Variants in MTERF4 observed in about 807,000 individuals in gnomAD.
MTERF4 encodes the protein transcription termination factor 4, mitochondrial.
A neutral mutation model predicts 22.5 loss-of-function variants in MTERF4; 17 were observed. The observed-to-expected ratio is 0.75, with a 90% CI of 0.52 to 1.13. MTERF4 has a LOEUF of 1.13. MTERF4 is among the 50% of genes most tolerant of loss of function. The probability of loss-of-function intolerance (pLI) is 0.00; values close to 1 mark genes in which losing one functional copy is unlikely to be tolerated. For missense variants in MTERF4, 420 were observed against 466.8 expected (o/e 0.90, Z 0.92); for synonymous variants, 165 against 175.3 (o/e 0.94, Z 0.47).
chr2:241,090,196 T>A (rs937994854), downstream of MTERF4: 11 of 1,469,194 alleles, frequency 7.5e-6, no homozygotes, highest in Non-Finnish European at 9.0e-6. Context: ...CTTTTCTCTG[T>A]TTTTAAAATT....
Position 241,099,498 on chromosome 2 carries a change from G to A in MTERF4, c.418C>T (p.Pro140Ser), listed in dbSNP as rs1217710236. Residue 140 changes from proline (P) to serine (S), a missense_variant, in exon 2 of 4, where the codon CCT becomes TCT. Physicochemically the swap from Pro to Ser is moderately conservative, Grantham distance 74. Transcript: ENST00000391980. ...EFILLGLNPE[P>S]VCVVLKKSPQ... ...CTTTTCTTCAAGACCACACACACAGGCTCTGGATTCAGACCCAAGAGAATA... is the reference window on the plus strand; with the variant it reads ...CTTTTCTTCAAGACCACACACACAGACTCTGGATTCAGACCCAAGAGAATA... The A allele has an allele frequency of 6.2e-7, 1 of 1,614,184 alleles. No individual in the cohort carries two copies. The highest frequency in any genetic ancestry group is 8.5e-7 in the Non-Finnish European group (1 of 1,180,046).
chr2:241,090,561 C>A (rs891135929), downstream of MTERF4: 3 of 1,259,894 alleles, frequency 2.4e-6, no homozygotes, highest in African/African-American at 3.0e-5. Flanking sequence ...ATACACAGGG[C>A]AGTGCAGTAG....
Position 241,073,360 on chromosome 2 carries a change from C to G in MTERF4, n.2802G>C, listed in dbSNP as rs200193178. 2 of 1,567,096 alleles carry G rather than the reference C, an allele frequency of 1.3e-6. No individual in the cohort carries two copies. ...TCCCTGAACACGGCAGCAAGGACAT[C>G]GGAAGTGAGTCAGCAGCGCTGGTGG... On this transcript the variant is annotated non_coding_transcript_exon_variant, in exon 5 of 5. Coordinates refer to the MTERF4 transcript ENST00000464344. The surrounding 1 kb of genome is among the most constrained non-coding windows in gnomAD (Gnocchi z 6.6).
chr2:241,049,229 A>G, the MTERF4 span: 1 of 921,042 alleles, frequency 1.1e-6, no homozygotes, highest in Non-Finnish European at 1.7e-6. Flanking sequence ...CAGAGTCCCT[A>G]CTTCCCTTCT....
downstream of MTERF4, among the ~76,000 whole-genome samples, chr2:241,084,392 G>A (rs1357701912): frequency 6.6e-6 from 1 of 152,046 alleles, no homozygotes; most frequent in African/African-American, 2.4e-5. Context: ...GACCTCAGGT[G>A]ATCCACCCAC....
intron 4 of MTERF4, among the ~76,000 whole-genome samples, chr2:241,078,962 A>AAAT (rs2063185220): frequency 6.6e-6 from 1 of 151,490 alleles, no homozygotes; most frequent in Non-Finnish European, 1.5e-5. Context: ...AAAAATACAA[A>AAAT]AATTAGCCAG....
chr2:241,052,306 G>C, the MTERF4 span: 1 of 1,513,852 alleles, frequency 6.6e-7, no homozygotes, highest in Non-Finnish European at 9.0e-7. Flanking sequence ...ACACAGTCCC[G>C]AGCCTTCAGG....
At chr2:241,089,233 G>A (rs956304014), downstream of MTERF4, 3 of 1,434,700 alleles carry the variant, frequency 2.1e-6, no homozygotes, top group African/African-American at 4.3e-5. Flanking sequence ...TGAATCTCTG[G>A]TTGGCCTAGG....
At chr2:241,064,719 G>A in the MTERF4 span, 3 of 652,498 alleles carry the variant, frequency 4.6e-6, no homozygotes, top group Non-Finnish European at 7.7e-6. The surrounding 1 kb of genome is among the most constrained non-coding windows in gnomAD (Gnocchi z 7.0). Context: ...GGCAGTAGCT[G>A]TCCTGTGCCC....
downstream of MTERF4, among the ~76,000 whole-genome samples, chr2:241,091,460 C>T (rs772944308): frequency 2.6e-5 from 4 of 151,990 alleles, no homozygotes; most frequent in Non-Finnish European, 4.4e-5. This position sits in a 1 kb window ranked among gnomAD's most constrained non-coding sequence, Gnocchi z 4.1. Flanking sequence ...GCTCTAAGAA[C>T]GCGGGGTCCT....
chr2:241,064,722 C>T, the MTERF4 span: 2 of 664,708 alleles, frequency 3.0e-6, no homozygotes, highest in East Asian at 6.2e-5. The surrounding 1 kb of genome is among the most constrained non-coding windows in gnomAD (Gnocchi z 7.0). Flanking sequence ...AGTAGCTGTC[C>T]TGTGCCCCCC....
chr2:241,070,749 C>T (rs1360313560), downstream of MTERF4, among the ~76,000 whole-genome samples: 1 of 152,204 alleles, frequency 6.6e-6, no homozygotes, highest in African/African-American at 2.4e-5. Context: ...ACCAGGGTCC[C>T]GAACGCCCCA....
At chr2:241,093,396 A>G (rs745802148), downstream of MTERF4, 4 of 152,678 alleles carry the variant, frequency 2.6e-5, no homozygotes, top group African/African-American at 4.8e-5. Flanking sequence ...TCTACTCCCT[A>G]CTAGGACCTC....
At position 241,097,329 on chromosome 2, in the gene MTERF4, A is replaced by T; in HGVS notation, c.619T>A (p.Phe207Ile). 1 of 1,614,228 alleles carries T rather than the reference A, an allele frequency of 6.2e-7. No individual in the cohort carries two copies. The highest frequency in any genetic ancestry group is 8.5e-7 in the Non-Finnish European group (1 of 1,180,030). ...TVRLLKEKCL[F>I]TVQQVTKILH... ...ATCTTGGTGACTTGCTGTACCGTGA[A>T]AAGGCACTTCTCCTTGAGAAGCCTG... Residue 207 changes from phenylalanine (F) to isoleucine (I), a missense_variant, in exon 3 of 4, where the codon TTC becomes ATC. By Grantham distance (21) the Phe-to-Ile change is conservative (BLOSUM62 0). Coordinates refer to ENST00000391980, the MANE Select transcript of MTERF4 (RefSeq NM_182501.4).
At chr2:241,086,108 C>T (rs936833576), downstream of MTERF4, among the ~76,000 whole-genome samples, 10 of 152,106 alleles carry the variant, frequency 6.6e-5, no homozygotes, top group African/African-American at 2.2e-4. Flanking sequence ...CTCAAGTGAT[C>T]GGCCCGCCTT....
At chr2:241,064,757 G>T in the MTERF4 span, 1 of 929,242 alleles carries the variant, frequency 1.1e-6, no homozygotes, top group South Asian at 1.7e-5. This position sits in a 1 kb window ranked among gnomAD's most constrained non-coding sequence, Gnocchi z 7.0. Context: ...ACGCAGGAGG[G>T]ACCCAGTGCC....
rs752188642 is a variant in MTERF4 at position 241,075,914 on chromosome 2, A to AT, written n.480-233dup. 3.9e-5 allele frequency among the ~76,000 whole-genome samples: 6 copies of AT among 152,002 alleles called. No individual in the cohort carries two copies. Among genetic ancestry groups the AT allele is most frequent in the Non-Finnish European group, 7.4e-5 (5 of 67,978 alleles). On this transcript the variant is annotated intron_variant and non_coding_transcript_variant, in intron 4 of 4. Transcript: ENST00000464344. The surrounding 1 kb of genome is among the most constrained non-coding windows in gnomAD (Gnocchi z 4.8). ...TTTTTTATGCATATGGGTAAACTGG[A>AT]TTTTTCATCTCTTCATGCTAAAAAG...
At chr2:241,069,143 C>T (rs1290193942), downstream of MTERF4, 2 of 664,994 alleles carry the variant, frequency 3.0e-6, no homozygotes, top group Non-Finnish European at 5.0e-6. This position sits in a 1 kb window ranked among gnomAD's most constrained non-coding sequence, Gnocchi z 4.9. Context: ...CAGCCCCTGG[C>T]CTCCCAGATG....
chr2:241,065,385 G>A, the MTERF4 span: 169 of 1,613,006 alleles, frequency 1.0e-4, no homozygotes, highest in South Asian at 3.5e-4. Flanking sequence ...TGGTCCAGCC[G>A]CCAGGCAGAT....
Sources: allele counts gnomAD v4.1 joint callset (sites outside exome capture counted in the v4.1 genomes callset), GRCh38; gene constraint gnomAD v4.1.1; non-coding constraint Gnocchi (gnomAD v3.1); transcripts MANE v1.5; gene names NCBI Gene and HGNC (gene_info 2026-07-23, HGNC 2026-07-21).